Variants in SELENOW observed in about 807,000 individuals in gnomAD.
SELENOW encodes selenoprotein W, 1.
A neutral mutation model predicts 16.6 loss-of-function variants in SELENOW; 20 were observed. The ratio of observed to expected loss-of-function variants is 1.21; its 90% CI spans 0.85 to 1.76. The LOEUF (loss-of-function observed/expected upper bound fraction) is 1.76, where lower values mean the gene tolerates loss of function less well. Among genes scored for constraint, SELENOW ranks in the 40% most tolerant of loss-of-function variants. The pLI, the probability that SELENOW is intolerant of heterozygous loss-of-function variation, is 0.00. For synonymous variants in SELENOW, 44 were observed against 46.2 expected (o/e 0.95, Z 0.19); for missense variants, 124 against 111.0 (o/e 1.12, Z -0.53).
At position 47,781,191 on chromosome 19, in the gene SELENOW, G is replaced by T. The variant is rs763306725; in HGVS notation, c.183+9G>T. On this transcript the variant is annotated intron_variant, in intron 4 of 5. Transcript: ENST00000601048. The stretch of plus-strand genomic sequence containing the variant: ...TGATTCACTCTAAGAAGGTATGTCT[G>T]TCTGTCCGTCCTGCCTGGTTTTGGG... 6.2e-7 allele frequency: 1 copy of T among 1,613,482 alleles called. No homozygotes were observed. Among genetic ancestry groups the T allele is most frequent in the East Asian group, 2.2e-5 (1 of 44,870 alleles).
chr19:47,780,664 C>T lies in SELENOW; in HGVS notation c.30-61C>T, dbSNP rs1252771836. 4.4e-5 allele frequency: 65 copies of T among 1,471,868 alleles called. No homozygotes were observed. In the South Asian group the frequency reaches 6.3e-4, roughly 14 times the overall value. 91.2% of individuals were successfully genotyped at this position (1,471,868 alleles called of 1,614,324 possible). Reference sequence around the variant, plus strand: ...ACACCGCCTGTGTCTACCCTCCTCTCCCCGATCCCCCACTTCTCCCTCTCT... The same window carrying T: ...ACACCGCCTGTGTCTACCCTCCTCTTCCCGATCCCCCACTTCTCCCTCTCT... On this transcript the variant is annotated intron_variant, in intron 1 of 5. Transcript: ENST00000601048.
chr19:47,779,478 A>G (rs1967447058), intron 1 of SELENOW: 1 of 152,676 alleles, frequency 6.5e-6, no homozygotes, highest in Non-Finnish European at 1.5e-5. Flanking sequence ...ATACGTGTTC[A>G]ATGAATTTAT....
chr19:47,781,125 C>T lies in SELENOW; in HGVS notation c.126C>T (p.Pro42=), dbSNP rs1257212429. The T allele has an allele frequency of 6.2e-7, 1 of 1,613,804 alleles. No homozygotes were observed. The highest frequency in any genetic ancestry group is 2.2e-5 in the East Asian group (1 of 44,834). ...TTCCTCAGTGCGGCGAGGGAACTCC[C>T]CAGGCCACCGGGTTCTTTGAAGTGA... ...GRLDICGEGT[P]QATGFFEVMV... is the part of the protein sequence containing the mutation. Residue 42 remains proline, a synonymous_variant, in exon 4 of 6, where the codon CCC becomes CCT. Coordinates refer to ENST00000601048, the MANE Select transcript of SELENOW (RefSeq NM_003009.4).
At position 47,779,979 on chromosome 19, in the gene SELENOW, G is replaced by T. The variant is rs1431999135; in HGVS notation, c.30-746G>T. ...AGCTTTCCAACGTCTCTGCCTGCTCGACAAAGCAGAGGCAAGAGTGACATT... is the reference window on the plus strand; with the variant it reads ...AGCTTTCCAACGTCTCTGCCTGCTCTACAAAGCAGAGGCAAGAGTGACATT... On this transcript the variant is annotated intron_variant, in intron 1 of 5. Transcript: ENST00000601048. The T allele has an allele frequency of 6.3e-5, 20 of 318,034 alleles. No individual in the cohort carries two copies. The East Asian group carries it at 1.6e-3, about 25-fold the overall frequency. The allele number at this position is 318,034 out of a possible 1,614,324, so 19.7% of individuals were successfully genotyped here.
At chr19:47,780,152 A>T in intron 1 of SELENOW, 2 of 454,692 alleles carry the variant, frequency 4.4e-6, no homozygotes, top group Admixed American at 2.4e-5. Context: ...TCCTGCCTGT[A>T]ATCTCAGCAC....
intron 5 of SELENOW, chr19:47,783,214 T>C (rs2123698830): frequency 6.6e-6 from 1 of 152,058 alleles, no homozygotes; most frequent in Admixed American, 6.6e-5. Flanking sequence ...AATTTTTTTT[T>C]TTTTTTCTAA....
intron 1 of SELENOW, 35 bp from the exon 2 acceptor site, chr19:47,780,690 C>T (rs772187568): frequency 3.2e-6 from 5 of 1,551,470 alleles, no homozygotes; most frequent in Non-Finnish European, 4.4e-6. Flanking sequence ...CTCCCTCTCT[C>T]CCCTGGGCCC....
intron 5 of SELENOW, chr19:47,782,764 A>C (rs1403450061): frequency 6.6e-6 from 1 of 152,178 alleles, no homozygotes; most frequent in Non-Finnish European, 1.5e-5. Flanking sequence ...CAGGTGATCC[A>C]CCTGCCTTGG....
At position 47,778,805 on chromosome 19, in the gene SELENOW, T is replaced by G. The variant is rs1291875830; in HGVS notation, c.20T>G (p.Val7Gly). 1 of 1,602,618 alleles carries G rather than the reference T, an allele frequency of 6.2e-7. No individual in the cohort carries two copies. Residue 7 changes from valine (V) to glycine (G), a missense_variant, in exon 1 of 6, where the codon GTC becomes GGC. Val to Gly is a moderately radical substitution (Grantham distance 109). Coordinates refer to ENST00000601048, the MANE Select transcript of SELENOW (RefSeq NM_003009.4). MALAVR[V>G]VYCGAUGYKS... ...CGAGCCATGGCTCTCGCCGTCCGAGTCGTTTATTGGTAAGCCCAGCGGCCA... is the reference window on the plus strand; with the variant it reads ...CGAGCCATGGCTCTCGCCGTCCGAGGCGTTTATTGGTAAGCCCAGCGGCCA...
chr19:47,781,659 A>G, intron 5 of SELENOW: 2 of 514,966 alleles, frequency 3.9e-6, no homozygotes, highest in Non-Finnish European at 3.5e-6. Flanking sequence ...ATGACAGCTG[A>G]GATGGTGATG....
chr19:47,780,297 CGAGGGCTGTGGGT>C, intron 1 of SELENOW: 1 of 365,242 alleles, frequency 2.7e-6, no homozygotes, highest in Non-Finnish European at 5.5e-6. Flanking sequence ...TGGAGTGCTG[CGAGGGCTGTGGGT>C]GAGGGTGGTG....
At chr19:47,780,554 C>T (rs1006246983) in intron 1 of SELENOW, 171 bp from the exon 2 acceptor site, 1 of 626,042 alleles carries the variant, frequency 1.6e-6, no homozygotes, top group Non-Finnish European at 2.9e-6. Flanking sequence ...TGCCTGTCTT[C>T]TCTCTTGAGG....
At chr19:47,779,887 G>T (rs1162162676) in intron 1 of SELENOW, 1 of 236,390 alleles carries the variant, frequency 4.2e-6, no homozygotes, top group Non-Finnish European at 9.0e-6. Context: ...ACTGGGGTGG[G>T]GGCAGGTCAG....
At chr19:47,782,176 C>T (rs1167944274) in intron 5 of SELENOW, 1 of 152,760 alleles carries the variant, frequency 6.5e-6, no homozygotes, top group Non-Finnish European at 1.5e-5. Flanking sequence ...TTCCTTGCTC[C>T]ACAATTTCGA....
At chr19:47,781,507 A>G in intron 5 of SELENOW, 119 bp downstream of exon 5, 1 of 653,344 alleles carries the variant, frequency 1.5e-6, no homozygotes, top group Non-Finnish European at 2.7e-6. Flanking sequence ...GTGTGTCCCC[A>G]GAGCGAGCGG....
rs763338095 is a variant in SELENOW, at chr19:47,778,768, A to T, written c.-18A>T. ...GGCCCGGGCGTCCGCTCCTCAGCGG[A>T]TGTGGCAGCCCCGAGCCATGGCTCT... On this transcript the variant is annotated 5_prime_UTR_variant, in exon 1 of 6. The change abolishes an upstream ATG in the 5' untranslated region. Coordinates refer to ENST00000601048, the MANE Select transcript of SELENOW (RefSeq NM_003009.4). 1 of 1,602,286 alleles carries T rather than the reference A, an allele frequency of 6.2e-7. No individual in the cohort carries two copies. The highest frequency in any genetic ancestry group is 1.1e-5 in the South Asian group (1 of 89,196).
rs1248320106 is a variant in SELENOW, at chr19:47,778,724, C to T, written c.-62C>T. On this transcript the variant is annotated 5_prime_UTR_variant, in exon 1 of 6. Coordinates refer to ENST00000601048, the MANE Select transcript of SELENOW (RefSeq NM_003009.4). ...CCGCACTCGCGCAGACCTAGCGCGTCCAGGTGGGAGGTTAGTGTGGCCCGG... is the reference window on the plus strand; with the variant it reads ...CCGCACTCGCGCAGACCTAGCGCGTTCAGGTGGGAGGTTAGTGTGGCCCGG... The T allele has an allele frequency of 5.1e-6, 8 of 1,563,194 alleles. No homozygotes were observed. Among genetic ancestry groups the T allele is most frequent in the Non-Finnish European group, 6.9e-6 (8 of 1,153,482 alleles).
intron 1 of SELENOW, chr19:47,779,080 G>A: frequency 2.0e-6 from 1 of 500,344 alleles, no homozygotes; most frequent in East Asian, 3.5e-5. Flanking sequence ...TCGAACCCCC[G>A]ACTCCGGGGC....
chr19:47,784,089 T>C (rs146232084), intron 5 of SELENOW: 2 of 152,090 alleles, frequency 1.3e-5, no homozygotes, highest in Non-Finnish European at 2.9e-5. Context: ...TAGAGATGGG[T>C]TTTTTTCACC....
Sources: allele counts gnomAD v4.1 joint callset, GRCh38; gene constraint gnomAD v4.1.1; transcripts MANE v1.5; gene names NCBI Gene and HGNC (gene_info 2026-07-23, HGNC 2026-07-21).